The following TWIST2 variants were observed in gnomAD, a reference collection of about 807,000 sequenced individuals.
TWIST2 encodes the protein twist family bHLH transcription factor 2.
Under a neutral mutation model 11.6 loss-of-function variants are expected in TWIST2, and 1 was observed. That is an observed-to-expected ratio of 0.09 (90% CI 0.03 to 0.41). The LOEUF (loss-of-function observed/expected upper bound fraction) is 0.41. Among genes scored for constraint, TWIST2 ranks in the 10% least tolerant of loss-of-function variants. TWIST2 has a pLI of 0.98. For synonymous variants in TWIST2, 87 were observed against 96.6 expected (o/e 0.90, Z 0.58); for missense variants, 168 against 226.4 (o/e 0.74, Z 1.66).
At chr2:238,905,973 G>A (rs1197920429) in intron 1 of TWIST2, among the ~76,000 whole-genome samples, 10 of 142,046 alleles carry the variant, frequency 7.0e-5, no homozygotes, top group African/African-American at 2.2e-4. Flanking sequence ...GCGTGTGTGT[G>A]CGCGCGCGTG....
chr2:238,897,549 C>T (rs999155747), intron 1 of TWIST2, among the ~76,000 whole-genome samples: 11 of 152,328 alleles, frequency 7.2e-5, no homozygotes, highest in Non-Finnish European at 1.5e-4. Context: ...GTGGCTTTTC[C>T]TGCTCAGGGC....
intron 1 of TWIST2, among the ~76,000 whole-genome samples, chr2:238,905,920 G>GGTGTGT (rs1693341092): frequency 7.1e-5 from 8 of 113,106 alleles, no homozygotes; most frequent in African/African-American, 2.9e-4. Flanking sequence ...TGTGCGTGCA[G>GGTGTGT]GTGTGCGTGT....
At chr2:238,901,732 G>A (rs1294908767) in intron 1 of TWIST2, among the ~76,000 whole-genome samples, 1 of 152,310 alleles carries the variant, frequency 6.6e-6, no homozygotes, top group Non-Finnish European at 1.5e-5. Flanking sequence ...CTGAAGGACC[G>A]CGCCCACCAG....
chr2:238,885,222 G>A (rs976487141), intron 1 of TWIST2, among the ~76,000 whole-genome samples: 15 of 151,796 alleles, frequency 9.9e-5, no homozygotes, highest in African/African-American at 2.7e-4. Flanking sequence ...GCCCTGCCTC[G>A]TTTGCAGGCT....
chr2:238,886,101 A>C (rs1330312737), intron 1 of TWIST2, among the ~76,000 whole-genome samples: 1 of 151,832 alleles, frequency 6.6e-6, no homozygotes, highest in Non-Finnish European at 1.5e-5. Context: ...ATCTCAAAAA[A>C]AAAAAAAAAA....
intron 1 of TWIST2, among the ~76,000 whole-genome samples, chr2:238,879,967 T>C (rs1574759989): frequency 6.6e-6 from 1 of 152,172 alleles, no homozygotes; most frequent in Non-Finnish European, 1.5e-5. Context: ...ATGAATTCCC[T>C]ATGGAGAGTG....
intron 1 of TWIST2, among the ~76,000 whole-genome samples, chr2:238,897,283 G>T (rs1693217847): frequency 1.3e-5 from 2 of 152,260 alleles, no homozygotes; most frequent in South Asian, 4.1e-4. Context: ...AGCTTTTGCT[G>T]TTTCCCTTGT....
intron 1 of TWIST2, among the ~76,000 whole-genome samples, chr2:238,871,176 A>ACCCCACACACAC (rs1559274807): frequency 3.6e-4 from 4 of 11,106 alleles, no homozygotes; most frequent in Admixed American, 1.3e-3. Flanking sequence ...CACACACACC[A>ACCCCACACACAC]CACACCCCAC....
At chr2:238,865,010 A>G (rs999671953) in intron 1 of TWIST2, among the ~76,000 whole-genome samples, 5 of 152,130 alleles carry the variant, frequency 3.3e-5, no homozygotes, top group African/African-American at 1.2e-4. Context: ...AAACTGACAT[A>G]AAGGGTTTGA....
chr2:238,898,652 C>T (rs969407875), intron 1 of TWIST2, among the ~76,000 whole-genome samples: 1 of 152,238 alleles, frequency 6.6e-6, no homozygotes, highest in Non-Finnish European at 1.5e-5. Flanking sequence ...CTTCCTCTCC[C>T]CTGAGGTGGG....
chr2:238,861,373 T>C (rs1233321992), intron 1 of TWIST2, among the ~76,000 whole-genome samples: 1 of 152,164 alleles, frequency 6.6e-6, no homozygotes, highest in African/African-American at 2.4e-5. Context: ...AATTGGAGGC[T>C]CTACCATGTC....
intron 1 of TWIST2, among the ~76,000 whole-genome samples, chr2:238,877,487 G>A (rs1415849295): frequency 6.6e-6 from 1 of 152,176 alleles, no homozygotes; most frequent in Non-Finnish European, 1.5e-5. Context: ...GAAGGCAATT[G>A]CTAAGTGAAG....
chr2:238,876,414 T>C (rs1290473153), intron 1 of TWIST2, among the ~76,000 whole-genome samples: 1 of 152,194 alleles, frequency 6.6e-6, no homozygotes, highest in Non-Finnish European at 1.5e-5. Context: ...TTTCTAGGAC[T>C]GTCCACTCAG....
Position 238,855,836 on chromosome 2 carries a change from C to T in TWIST2, c.*35+7103C>T, listed in dbSNP as rs149399221. Among the ~76,000 whole-genome samples, 774 of 152,268 alleles carry T rather than the reference C, an allele frequency of 5.1e-3. 1 individual carries two copies. The highest frequency in any genetic ancestry group is 0.037 in the Middle Eastern group (11 of 294). ...GGTCATCTAGGGGCTCCCGAAGCCT[C>T]GTGCGGCCCATAGATGTGTGCTCAG... On this transcript the variant is annotated intron_variant, in intron 1 of 1. Coordinates refer to ENST00000612363, the MANE Select transcript of TWIST2 (RefSeq NM_001271893.4).
chr2:238,848,716 C>T lies in TWIST2; in HGVS notation c.*18C>T. 2.0e-6 allele frequency: 3 copies of T among 1,483,876 alleles called. No homozygotes were observed. Among genetic ancestry groups the T allele is most frequent in the Non-Finnish European group, 2.7e-6 (3 of 1,118,474 alleles). 91.9% of individuals were successfully genotyped at this position (1,483,876 alleles called of 1,614,324 possible). A position where few individuals can be genotyped will look rare whatever the true frequency, so the allele number is the denominator to read the frequency against. ...CCCACTAGCGCCGCGCCACCCACCT[C>T]CGGACCGGCGCGCCAGGGTAGGTGC... is the stretch of plus-strand genomic sequence containing the variant. On this transcript the variant is annotated 3_prime_UTR_variant, in exon 1 of 2. Coordinates refer to ENST00000612363, the MANE Select transcript of TWIST2 (RefSeq NM_001271893.4).
intron 1 of TWIST2, among the ~76,000 whole-genome samples, chr2:238,909,296 C>CGT (rs1421203866): frequency 2.0e-5 from 3 of 151,710 alleles, no homozygotes; most frequent in African/African-American, 7.3e-5. Context: ...TGCAACTTCC[C>CGT]GTGTGTCTGC....
intron 1 of TWIST2, among the ~76,000 whole-genome samples, chr2:238,899,533 C>T (rs1201714826): frequency 3.3e-5 from 5 of 152,308 alleles, no homozygotes; most frequent in Non-Finnish European, 7.4e-5. Flanking sequence ...AGAGAGGCAG[C>T]GGGGCTTCAG....
At chr2:238,858,991 C>A (rs962781826) in intron 1 of TWIST2, among the ~76,000 whole-genome samples, 1 of 152,134 alleles carries the variant, frequency 6.6e-6, no homozygotes, top group African/African-American at 2.4e-5. Flanking sequence ...GCGGGTGGAT[C>A]ACCTGAGGTC....
intron 1 of TWIST2, among the ~76,000 whole-genome samples, chr2:238,860,571 A>G (rs1275365674): frequency 6.6e-6 from 1 of 152,248 alleles, no homozygotes; most frequent in African/African-American, 2.4e-5. Context: ...TCAGAATCCA[A>G]ACTGAGGGAT....
Sources: gnomAD v4.1 joint callset for allele counts (sites outside exome capture counted in the v4.1 genomes callset) on GRCh38, gnomAD v4.1.1 for gene constraint, MANE v1.5 for transcripts, NCBI Gene and HGNC (gene_info 2026-07-23, HGNC 2026-07-21) for gene names.